PCDH19: variants seen among roughly 807,000 people sequenced by gnomAD.
The protein encoded by PCDH19 is protocadherin 19.
A neutral mutation model predicts 46.2 loss-of-function variants in PCDH19; 6 were observed. The observed-to-expected ratio is 0.13, with a 90% CI of 0.07 to 0.26. The LOEUF (loss-of-function observed/expected upper bound fraction) is 0.26, where lower values mean the gene tolerates loss of function less well. PCDH19 is among the 10% of genes least tolerant of loss of function. PCDH19 has a pLI of 1.00. For synonymous variants in PCDH19, 481 were observed against 415.7 expected, an observed-to-expected ratio of 1.16 and a Z score of -1.91; for missense variants, 740 against 972.3, an observed-to-expected ratio of 0.76 and a Z score of 3.18.
intron 5 of PCDH19, among the ~76,000 whole-genome samples, chrX:100,307,402 A>AACAAG (rs1453080754): frequency 7.1e-5 from 8 of 111,977 alleles, no homozygotes; most frequent in Non-Finnish European, 9.4e-5. Flanking sequence ...ACCTCAAGGT[A>AACAAG]ACAAGAGCTG....
intron 3 of PCDH19, among the ~76,000 whole-genome samples, chrX:100,400,361 T>C (rs927717049): frequency 2.7e-5 from 3 of 112,398 alleles, no homozygotes; most frequent in East Asian, 2.8e-4. Context: ...GAGTTGAACC[T>C]ACTACACTAC....
intron 3 of PCDH19, among the ~76,000 whole-genome samples, chrX:100,362,751 C>G (rs1370636783): frequency 2.9e-5 from 3 of 104,583 alleles, no homozygotes; most frequent in Non-Finnish European, 5.9e-5. Flanking sequence ...GAGCCAAGAT[C>G]GCGCCACTGC....
intron 3 of PCDH19, among the ~76,000 whole-genome samples, chrX:100,402,029 C>T (rs1215231739): frequency 8.9e-6 from 1 of 112,229 alleles, no homozygotes; most frequent in Non-Finnish European, 1.9e-5. Flanking sequence ...ACCAGCCTAT[C>T]CATATTCTCT....
chrX:100,384,682 G>T (rs1037094633), intron 3 of PCDH19, among the ~76,000 whole-genome samples: 4 of 110,627 alleles, frequency 3.6e-5, no homozygotes, highest in Non-Finnish European at 7.6e-5. Context: ...CATACACATT[G>T]TTTCCATTGT....
intron 3 of PCDH19, among the ~76,000 whole-genome samples, chrX:100,399,905 C>A (rs748937739): frequency 8.9e-6 from 1 of 111,941 alleles, no homozygotes; most frequent in African/African-American, 3.2e-5. Flanking sequence ...ATAATTGAAG[C>A]AATATTTTGT....
At chrX:100,324,072 T>C (rs1047209765) in intron 5 of PCDH19, among the ~76,000 whole-genome samples, 1 of 111,793 alleles carries the variant, frequency 8.9e-6, no homozygotes, top group Non-Finnish European at 1.9e-5. Context: ...AGGTGTGACA[T>C]GATGGCCATA....
chrX:100,362,385 G>A (rs1437335761), intron 3 of PCDH19, among the ~76,000 whole-genome samples: 1 of 111,014 alleles, frequency 9.0e-6, no homozygotes, highest in African/African-American at 3.3e-5. Flanking sequence ...CTGTGTGTGT[G>A]TGTCTATATA....
chrX:100,390,742 A>G (rs1927836617), intron 3 of PCDH19, among the ~76,000 whole-genome samples: 1 of 111,917 alleles, frequency 8.9e-6, no homozygotes, highest in African/African-American at 3.3e-5. Flanking sequence ...CCAAGTATAT[A>G]TTGATTCTGT....
At chrX:100,391,732 T>C (rs1446465135) in intron 3 of PCDH19, among the ~76,000 whole-genome samples, 1 of 112,540 alleles carries the variant, frequency 8.9e-6, no homozygotes, top group Non-Finnish European at 1.9e-5. Context: ...CAGAATTCTC[T>C]ATGTCTTGGA....
chrX:100,330,900 G>A (rs1012170329), intron 5 of PCDH19, among the ~76,000 whole-genome samples: 1 of 112,060 alleles, frequency 8.9e-6, no homozygotes, highest in Admixed American at 9.5e-5. Context: ...TGTCATGAAG[G>A]ATAATGAAGT....
At position 100,409,750 on chromosome X, in the gene PCDH19, C is replaced by T; in HGVS notation, c.-1153G>A. ...CCGCCGCCGCCGCCGCGGGAGGAAG[C>T]CCTCCTAGCTCAGTTGCACGTCGCT... On this transcript the variant is annotated 5_prime_UTR_variant, in exon 1 of 6. Coordinates refer to ENST00000373034, the MANE Select transcript of PCDH19 (RefSeq NM_001184880.2). 4.1e-6 allele frequency: 1 copy of T among 246,461 alleles called. No homozygotes were observed. Among genetic ancestry groups the T allele is most frequent in the Admixed American group, 5.9e-5 (1 of 16,975 alleles). The allele number at this position is 246,461 out of a possible 1,213,427, so 20.3% of individuals were successfully genotyped here.
chrX:100,403,354 C>A (rs953886120), intron 2 of PCDH19, among the ~76,000 whole-genome samples, 170 bp downstream of exon 2: 2 of 108,552 alleles, frequency 1.8e-5, no homozygotes, highest in African/African-American at 6.8e-5. Context: ...CTATGACTCA[C>A]TCGATCAGTT....
At chrX:100,325,358 A>T (rs1465075275) in intron 5 of PCDH19, among the ~76,000 whole-genome samples, 1 of 100,514 alleles carries the variant, frequency 9.9e-6, no homozygotes, top group Non-Finnish European at 2.0e-5. Context: ...TATGTTAGGG[A>T]CTATAATGAT....
At position 100,403,524 on chromosome X, in the gene PCDH19, C is replaced by T; in HGVS notation, c.2288G>A (p.Arg763Lys). Residue 763 changes from arginine to lysine, a missense_variant and splice_region_variant, in exon 2 of 6, where the codon AGA (arginine) becomes AAA (lysine). Physicochemically the swap from Arg to Lys is conservative, Grantham distance 26. Transcript: ENST00000373034. ...TAAATGAGGGGAAATGCCTTTTTAC[C>T]TCTTTCCCCTTAGGCTCACTTTCTC... ...TEEKVSLRGKRIAEYSYGHQK... is the reference protein window; with the variant it reads ...TEEKVSLRGKKIAEYSYGHQK... The T allele has an allele frequency of 8.3e-7, 1 of 1,207,481 alleles. No homozygotes were observed. Among genetic ancestry groups the T allele is most frequent in the Non-Finnish European group, 1.1e-6 (1 of 893,987 alleles).
At position 100,392,410 on chromosome X, in the gene PCDH19, G is replaced by A. The variant is rs916145023; in HGVS notation, c.2616+10114C>T. On this transcript the variant is annotated intron_variant, in intron 3 of 5. Transcript: ENST00000373034. ...GTTTCATATGTAGTATTTGAGATTC[G>A]TTTCCAAAAAGCCATAACTACCATA... Among the ~76,000 whole-genome samples, 92 of 111,423 alleles carry A rather than the reference G, an allele frequency of 8.3e-4. 3 individuals are homozygous for A. In the Admixed American group the frequency reaches 8.5e-3, roughly 10 times the overall value.
chrX:100,327,877 CA>C (rs1003619840), intron 5 of PCDH19, among the ~76,000 whole-genome samples: 4 of 111,489 alleles, frequency 3.6e-5, no homozygotes, highest in African/African-American at 1.3e-4. Context: ...TTCCATATCA[CA>C]ATGATTTCAG....
At position 100,408,006 on chromosome X, in the gene PCDH19, G is replaced by A; in HGVS notation, c.592C>T (p.Arg198Cys). 1 of 1,207,945 alleles carries A rather than the reference G, an allele frequency of 8.3e-7. No individual in the cohort carries two copies. The highest frequency in any genetic ancestry group is 1.1e-6 in the Non-Finnish European group (1 of 895,466). ...AAGCTGTAGTGCGACTGCGTCTCGC[G>A]GTCCAGGCTCTTTTCCACCACGAGT... ...AELVVEKSLD[R>C]ETQSHYSFRI... Residue 198 changes from arginine (R) to cysteine (C), a missense_variant, in exon 1 of 6, where the codon CGC (arginine) becomes TGC (cysteine). Arg to Cys is a radical substitution (Grantham distance 180, BLOSUM62 -3). This residue lies in a region of PCDH19 where 48 missense variants were observed against 43.2 expected (regional missense o/e 1.11). Coordinates refer to ENST00000373034, the MANE Select transcript of PCDH19 (RefSeq NM_001184880.2).
intron 3 of PCDH19, among the ~76,000 whole-genome samples, chrX:100,361,981 C>T (rs2147501376): frequency 8.9e-6 from 1 of 111,920 alleles, no homozygotes; most frequent in South Asian, 3.8e-4. Context: ...ATGAGGGGAA[C>T]ACCTCACTCT....
At chrX:100,350,430 A>G (rs1926534590) in intron 4 of PCDH19, among the ~76,000 whole-genome samples, 1 of 111,927 alleles carries the variant, frequency 8.9e-6, no homozygotes, top group Non-Finnish European at 1.9e-5. Context: ...AAGAAATGTA[A>G]AATGTCAACA....
Sources: gnomAD v4.1 joint callset for allele counts (sites outside exome capture counted in the v4.1 genomes callset) on GRCh38, gnomAD v4.1.1 for gene constraint, gnomAD v4.1.1 regional missense constraint, MANE v1.5 for transcripts, NCBI Gene and HGNC (gene_info 2026-07-23, HGNC 2026-07-21) for gene names.